Variants in ABI3BP observed in about 807,000 individuals in gnomAD.
The protein encoded by ABI3BP is target of Nesh-SH3.
In ABI3BP, 216 loss-of-function variants were observed where a neutral mutation model predicts 268.6. The observed-to-expected ratio is 0.80, with a 90% CI of 0.72 to 0.90. ABI3BP has a LOEUF of 0.90. ABI3BP is among the 40% of genes least tolerant of loss of function. The pLI, the probability that ABI3BP is intolerant of heterozygous loss-of-function variation, is 0.00. For synonymous variants in ABI3BP, 730 were observed against 730.0 expected (o/e 1.00, Z 0.00); for missense variants, 2,090 against 2,182.4 (o/e 0.96, Z 0.84).
At chr3:100,884,956 A>G (rs545831268) in intron 6 of ABI3BP, among the ~76,000 whole-genome samples, 2 of 148,856 alleles carry the variant, frequency 1.3e-5, no homozygotes, top group African/African-American at 4.9e-5. Context: ...TCCTGAGAAT[A>G]GATTTTGAAA....
At chr3:100,760,965 A>G (rs1040566417) in intron 63 of ABI3BP, among the ~76,000 whole-genome samples, 2 of 152,002 alleles carry the variant, frequency 1.3e-5, no homozygotes, top group African/African-American at 4.8e-5. Context: ...TTCGTTGTAC[A>G]GATTATTTTG....
chr3:100,786,482 T>C lies in ABI3BP; in HGVS notation c.4162+1246A>G, dbSNP rs143076670. 6.1e-3 allele frequency among the ~76,000 whole-genome samples: 922 copies of C among 152,328 alleles called. 10 individuals carry two copies. The highest frequency in any genetic ancestry group is 9.4e-3 in the African/African-American group (392 of 41,574). On this transcript the variant is annotated intron_variant, in intron 57 of 67. Transcript: ENST00000471714. ...TTTGTTTCCCTGAGAGATAATTGCA[T>C]GCTCCTAATAAGAATCAGTATTATA...
intron 1 of ABI3BP, among the ~76,000 whole-genome samples, chr3:100,942,307 T>C (rs918188377): frequency 6.6e-6 from 1 of 152,084 alleles, no homozygotes; most frequent in African/African-American, 2.4e-5. Flanking sequence ...GAAGAAAGAA[T>C]ATATATAGAA....
intron 56 of ABI3BP, among the ~76,000 whole-genome samples, chr3:100,788,175 G>T (rs2097105500): frequency 6.6e-6 from 1 of 152,118 alleles, no homozygotes; most frequent in Admixed American, 6.6e-5. Context: ...AATCTGAAAT[G>T]TATTTGTCAA....
intron 45 of ABI3BP, 27 bp downstream of exon 45, chr3:100,813,634 C>T: frequency 6.6e-7 from 1 of 1,509,986 alleles, no homozygotes; most frequent in Non-Finnish European, 8.9e-7. Context: ...ACACAGTATA[C>T]CCAGACAGAT....
intron 4 of ABI3BP, among the ~76,000 whole-genome samples, chr3:100,894,077 G>A (rs1267943503): frequency 6.6e-6 from 1 of 152,084 alleles, no homozygotes; most frequent in African/African-American, 2.4e-5. Flanking sequence ...GGTAAGGTGA[G>A]GCATGCTTGG....
intron 1 of ABI3BP, 28 bp from the exon 2 acceptor site, chr3:100,926,509 G>C: frequency 6.3e-7 from 1 of 1,598,064 alleles, no homozygotes; most frequent in Non-Finnish European, 8.6e-7. Flanking sequence ...AACATCGATG[G>C]CTGTTACTTC....
chr3:100,762,142 C>T lies in ABI3BP; in HGVS notation c.4850+3699G>A, dbSNP rs144126615. 3.4e-3 allele frequency among the ~76,000 whole-genome samples: 517 copies of T among 152,138 alleles called. 5 individuals carry two copies. Among genetic ancestry groups the T allele is most frequent in the Non-Finnish European group, 5.0e-3 (339 of 68,026 alleles). The stretch of plus-strand genomic sequence containing the variant: ...GCTAACAAGAGCCATGTGGTGGCTG[C>T]ATCCTGTACATACTTCCTCTTTATT... On this transcript the variant is annotated intron_variant, in intron 63 of 67. Coordinates refer to ENST00000471714, the MANE Select transcript of ABI3BP (RefSeq NM_001375547.2).
At chr3:100,859,494 G>C (rs1375390791) in intron 14 of ABI3BP, among the ~76,000 whole-genome samples, 1 of 152,070 alleles carries the variant, frequency 6.6e-6, no homozygotes, top group Non-Finnish European at 1.5e-5. Flanking sequence ...CAAAATAGTT[G>C]CTTTAGGAAG....
chr3:100,973,361 C>T (rs181374113), intron 1 of ABI3BP, among the ~76,000 whole-genome samples: 39 of 152,252 alleles, frequency 2.6e-4, no homozygotes, highest in Non-Finnish European at 3.8e-4. Flanking sequence ...ATAGAAACAA[C>T]GGTTTGGCTA....
chr3:100,980,954 A>G (rs1390418213), intron 1 of ABI3BP, among the ~76,000 whole-genome samples: 1 of 152,248 alleles, frequency 6.6e-6, no homozygotes, highest in Non-Finnish European at 1.5e-5. Context: ...GAATAAATTG[A>G]AAACCAGCTT....
chr3:100,992,310 G>T (rs2093067732), intron 1 of ABI3BP, among the ~76,000 whole-genome samples: 1 of 152,156 alleles, frequency 6.6e-6, no homozygotes, highest in Admixed American at 6.5e-5. Context: ...TGATCCTGGG[G>T]CAGACTACCC....
chr3:100,903,512 T>C (rs2051547895), intron 2 of ABI3BP, among the ~76,000 whole-genome samples: 1 of 152,252 alleles, frequency 6.6e-6, no homozygotes, highest in South Asian at 2.1e-4. Context: ...TTGATGAGTA[T>C]TCTTTACAAT....
chr3:100,937,418 TCAACAGTTGAA>T (rs1584150785), intron 1 of ABI3BP, among the ~76,000 whole-genome samples: 1 of 152,118 alleles, frequency 6.6e-6, no homozygotes, highest in East Asian at 1.9e-4. Flanking sequence ...CAAATGTCCA[TCAACAGTTGAA>T]CAGATAAACA....
At chr3:100,909,247 C>T (rs1305493429) in intron 2 of ABI3BP, among the ~76,000 whole-genome samples, 1 of 152,226 alleles carries the variant, frequency 6.6e-6, no homozygotes, top group Non-Finnish European at 1.5e-5. Flanking sequence ...ACACCTTATA[C>T]AAAAATTAAC....
At chr3:100,923,131 G>A (rs927376425) in intron 2 of ABI3BP, among the ~76,000 whole-genome samples, 8 of 152,286 alleles carry the variant, frequency 5.3e-5, no homozygotes, top group African/African-American at 1.9e-4. Context: ...TGAGGTAAGA[G>A]TTTTAAAAAT....
intron 4 of ABI3BP, among the ~76,000 whole-genome samples, chr3:100,888,450 G>A (rs2042981497): frequency 6.6e-6 from 1 of 152,060 alleles, no homozygotes; most frequent in South Asian, 2.1e-4. Flanking sequence ...ATCTCTAGTA[G>A]ATACATTTCT....
intron 65 of ABI3BP, 34 bp from the exon 66 acceptor site, chr3:100,752,982 G>T: frequency 6.3e-7 from 1 of 1,579,338 alleles, no homozygotes; most frequent in South Asian, 1.1e-5. Context: ...TTTAGTATCT[G>T]ACTCTTGGGT....
chr3:100,949,882 C>T (rs1236148236), intron 1 of ABI3BP, among the ~76,000 whole-genome samples: 6 of 152,008 alleles, frequency 3.9e-5, no homozygotes, highest in African/African-American at 9.7e-5. Flanking sequence ...TGTTCAAGTC[C>T]CAAATTAAAC....
Sources: allele counts gnomAD v4.1 joint callset (sites outside exome capture counted in the v4.1 genomes callset), GRCh38; gene constraint gnomAD v4.1.1; transcripts MANE v1.5; gene names NCBI Gene and HGNC (gene_info 2026-07-23, HGNC 2026-07-21).